Variants in DAPK1 observed in about 807,000 individuals in gnomAD.
DAPK1 encodes death associated protein kinase 1.
A neutral mutation model predicts 144.9 loss-of-function variants in DAPK1; 56 were observed. The ratio of observed to expected loss-of-function variants is 0.39; its 90% confidence interval spans 0.31 to 0.48. The LOEUF (loss-of-function observed/expected upper bound fraction) is 0.48. Among genes scored for constraint, DAPK1 ranks in the 20% least tolerant of loss-of-function variants. The probability of loss-of-function intolerance (pLI) is 0.95; values close to 1 mark genes in which losing one functional copy is unlikely to be tolerated. For missense variants in DAPK1, 1,454 were observed against 1,875.4 expected, an observed-to-expected ratio of 0.78 and a Z score of 4.15; for synonymous variants, 690 against 749.0, an observed-to-expected ratio of 0.92 and a Z score of 1.29.
intron 21 of DAPK1, among the ~76,000 whole-genome samples, chr9:87,688,140 A>G (rs1032802685): frequency 1.4e-5 from 2 of 143,156 alleles, no homozygotes; most frequent in African/African-American, 5.2e-5. Context: ...CCATCTTTAC[A>G]TCCATGAGTA....
At chr9:87,648,574 T>C (rs1473021357) in intron 14 of DAPK1, 3 of 536,456 alleles carry the variant, frequency 5.6e-6, no homozygotes, top group Non-Finnish European at 1.0e-5. Context: ...ATGAGCCAAG[T>C]ATGTGGGCTT....
At chr9:87,609,267 C>A (rs546704355) in intron 3 of DAPK1, among the ~76,000 whole-genome samples, 1 of 152,216 alleles carries the variant, frequency 6.6e-6, no homozygotes, top group East Asian at 1.9e-4. Flanking sequence ...ACTCACCTGG[C>A]AGATTTGGGG....
At chr9:87,702,682 A>G (rs755983955) in intron 24 of DAPK1, among the ~76,000 whole-genome samples, 12 of 152,320 alleles carry the variant, frequency 7.9e-5, no homozygotes, top group Non-Finnish European at 1.2e-4. Context: ...AAAACTTTAT[A>G]TTTGAGCAAT....
intron 2 of DAPK1, among the ~76,000 whole-genome samples, chr9:87,580,216 T>C (rs1827703222): frequency 6.6e-6 from 1 of 152,198 alleles, no homozygotes; most frequent in African/African-American, 2.4e-5. Flanking sequence ...CTGCCCTGTG[T>C]GCTCTTTCTT....
At chr9:87,664,074 T>G (rs1322778120) in intron 18 of DAPK1, among the ~76,000 whole-genome samples, 3 of 151,940 alleles carry the variant, frequency 2.0e-5, no homozygotes, top group African/African-American at 7.3e-5. Flanking sequence ...TTGGGACCAG[T>G]CCATCCCAGC....
intron 2 of DAPK1, among the ~76,000 whole-genome samples, chr9:87,561,350 C>G (rs899514540): frequency 2.0e-5 from 3 of 152,054 alleles, no homozygotes; most frequent in Non-Finnish European, 1.5e-5. Context: ...CACGGTGAAA[C>G]CTCGTCTCTC....
chr9:87,705,711 C>T (rs1825612519), intron 25 of DAPK1, among the ~76,000 whole-genome samples: 1 of 152,108 alleles, frequency 6.6e-6, no homozygotes, highest in Non-Finnish European at 1.5e-5. Context: ...AGAAACATAA[C>T]ATTAATATAG....
At chr9:87,528,797 AG>A (rs1825602818) in intron 2 of DAPK1, among the ~76,000 whole-genome samples, 1 of 148,094 alleles carries the variant, frequency 6.8e-6, no homozygotes, top group Non-Finnish European at 1.5e-5. Context: ...TCTTGAACCC[AG>A]GAGGCGGAGG....
intron 18 of DAPK1, among the ~76,000 whole-genome samples, chr9:87,667,009 G>T (rs74602266): frequency 1.6e-4 from 25 of 152,322 alleles, no homozygotes; most frequent in South Asian, 8.3e-4. Flanking sequence ...TGGGAGCCCA[G>T]GATGTACCCC....
chr9:87,648,923 A>C, intron 15 of DAPK1, 44 bp downstream of exon 15: 3 of 1,501,256 alleles, frequency 2.0e-6, no homozygotes, highest in Non-Finnish European at 2.8e-6. Context: ...TCTATACATG[A>C]ATGTACAGGC....
chr9:87,517,791 G>T (rs1825119354), intron 2 of DAPK1, among the ~76,000 whole-genome samples: 1 of 152,162 alleles, frequency 6.6e-6, no homozygotes, highest in Admixed American at 6.5e-5. Context: ...AGATAAAATG[G>T]CTGTTTCCTT....
chr9:87,629,789 C>G (rs1411902592), intron 3 of DAPK1, among the ~76,000 whole-genome samples: 1 of 152,150 alleles, frequency 6.6e-6, no homozygotes, highest in Non-Finnish European at 1.5e-5. Context: ...TATCTGCTGT[C>G]CTACCTATAG....
intron 2 of DAPK1, among the ~76,000 whole-genome samples, chr9:87,603,943 C>G (rs1268109326): frequency 6.6e-6 from 1 of 152,144 alleles, no homozygotes; most frequent in East Asian, 1.9e-4. Context: ...CTTTCCTCTG[C>G]AAGAAGTAGA....
At chr9:87,618,540 A>G (rs1213357512) in intron 3 of DAPK1, among the ~76,000 whole-genome samples, 1 of 152,262 alleles carries the variant, frequency 6.6e-6, no homozygotes, top group Non-Finnish European at 1.5e-5. Flanking sequence ...AATGTCCCTC[A>G]GCTAGTGAAC....
intron 10 of DAPK1, among the ~76,000 whole-genome samples, chr9:87,642,925 C>T (rs1412758077): frequency 2.0e-5 from 3 of 152,206 alleles, no homozygotes; most frequent in Non-Finnish European, 2.9e-5. Flanking sequence ...TCACTTCCAA[C>T]AGCTGTTGCG....
chr9:87,584,034 A>G (rs568846423), intron 2 of DAPK1, among the ~76,000 whole-genome samples: 1 of 152,340 alleles, frequency 6.6e-6, no homozygotes, highest in Admixed American at 6.5e-5. Flanking sequence ...TATGCTACAT[A>G]CAAATCTTTT....
intron 17 of DAPK1, among the ~76,000 whole-genome samples, chr9:87,655,782 C>G (rs1179596211): frequency 1.3e-5 from 2 of 152,210 alleles, no homozygotes; most frequent in African/African-American, 2.4e-5. Context: ...GAATGCATGG[C>G]CCTTACCCAT....
chr9:87,634,940 G>A (rs1829838216), intron 3 of DAPK1, among the ~76,000 whole-genome samples: 3 of 152,188 alleles, frequency 2.0e-5, no homozygotes, highest in Admixed American at 2.0e-4. Flanking sequence ...AAAGACAGCA[G>A]CATTTATTGA....
chr9:87,525,350 G>C (rs1825461539), intron 2 of DAPK1: 2 of 1,611,298 alleles, frequency 1.2e-6, no homozygotes, highest in Admixed American at 3.3e-5. Flanking sequence ...ATTCGGCCAG[G>C]GTTCTCGCTC....
Sources: allele counts gnomAD v4.1 joint callset (sites outside exome capture counted in the v4.1 genomes callset), GRCh38; gene constraint gnomAD v4.1.1; transcripts MANE v1.5; gene names NCBI Gene and HGNC (gene_info 2026-07-23, HGNC 2026-07-21).